Variants in RANBP2 observed in about 807,000 individuals in gnomAD.
The protein encoded by RANBP2 is E3 SUMO-protein ligase RanBP2.
A neutral mutation model predicts 303.6 loss-of-function variants in RANBP2; 57 were observed. The ratio of observed to expected loss-of-function variants is 0.19; its 90% CI spans 0.15 to 0.23. RANBP2 has a LOEUF of 0.23. Ranked by LOEUF, RANBP2 falls within the 10% of genes least tolerant of loss-of-function variation. The pLI is 1.00. For missense variants in RANBP2, 3,138 were observed against 3,780.8 expected (o/e 0.83, Z 4.46); for synonymous variants, 1,167 against 1,301.5 (o/e 0.90, Z 2.23).
At chr2:108,749,345 T>C (rs1008159738) in intron 9 of RANBP2, among the ~76,000 whole-genome samples, 3 of 152,196 alleles carry the variant, frequency 2.0e-5, no homozygotes, top group African/African-American at 7.2e-5. Context: ...TCGCCCATGC[T>C]GGAGTGCAGT....
intron 6 of RANBP2, among the ~76,000 whole-genome samples, chr2:108,739,031 G>A (rs529500159): frequency 6.6e-6 from 1 of 152,196 alleles, no homozygotes; most frequent in East Asian, 1.9e-4. Flanking sequence ...TTAATGTCTC[G>A]CTTAATAGAA....
chr2:109,484,173 TCTC>T, the RANBP2 span, among the ~76,000 whole-genome samples: 1 of 151,724 alleles, frequency 6.6e-6, no homozygotes, highest in Non-Finnish European at 1.5e-5. Flanking sequence ...TTCAAGCGAT[TCTC>T]CTGCCTCAGC....
chr2:108,883,396 A>C, the RANBP2 span: 2 of 152,210 alleles, frequency 1.3e-5, no homozygotes, highest in African/African-American at 4.8e-5. Flanking sequence ...CTTTTCAGAC[A>C]TTGCCTCTTT....
chr2:109,096,799 GC>G, the RANBP2 span, among the ~76,000 whole-genome samples: 1 of 139,652 alleles, frequency 7.2e-6, no homozygotes, highest in Non-Finnish European at 1.5e-5. Context: ...TTTTGGAAAC[GC>G]TTTTTTTTTT....
At chr2:109,582,075 GACACACACACACACAC>G in the RANBP2 span, among the ~76,000 whole-genome samples, 64 of 143,874 alleles carry the variant, frequency 4.4e-4, 1 homozygote, top group African/African-American at 6.0e-4. Flanking sequence ...ATGTACAACA[GACACACACACACACAC>G]ACACACACAC....
At chr2:109,524,461 A>AC in the RANBP2 span, among the ~76,000 whole-genome samples, 1 of 69,564 alleles carries the variant, frequency 1.4e-5, no homozygotes, top group Non-Finnish European at 3.8e-5. Flanking sequence ...AAAAAAAAAA[A>AC]AAAAACAAAA....
the RANBP2 span, among the ~76,000 whole-genome samples, chr2:109,053,936 C>A: frequency 6.6e-6 from 1 of 152,140 alleles, no homozygotes; most frequent in African/African-American, 2.4e-5. Flanking sequence ...GCACCAGGGG[C>A]ATTGTCTTTC....
chr2:109,585,235 T>G, the RANBP2 span: 1 of 1,613,064 alleles, frequency 6.2e-7, no homozygotes, highest in Non-Finnish European at 8.5e-7. Flanking sequence ...AGTTTAACAT[T>G]TGGGCAAAAA....
chr2:109,199,628 G>GAACCC, the RANBP2 span, among the ~76,000 whole-genome samples: 1 of 98 alleles, frequency 0.01, no homozygotes, highest in African/African-American at 0.029. Context: ...GGAATGGAAT[G>GAACCC]GAATGGAATG....
At chr2:109,035,177 C>T in the RANBP2 span, among the ~76,000 whole-genome samples, 2 of 152,232 alleles carry the variant, frequency 1.3e-5, no homozygotes, top group South Asian at 2.1e-4. Context: ...GTAGTTTGTA[C>T]CAAGTCAGGG....
the RANBP2 span, among the ~76,000 whole-genome samples, chr2:108,908,936 G>A: frequency 6.6e-6 from 1 of 152,126 alleles, no homozygotes; most frequent in African/African-American, 2.4e-5. Context: ...AGGCTTCAGG[G>A]CCTCACAAGG....
chr2:109,077,638 G>A, the RANBP2 span, among the ~76,000 whole-genome samples: 4 of 150,456 alleles, frequency 2.7e-5, no homozygotes, highest in East Asian at 7.7e-4. Flanking sequence ...GATTAAAAAT[G>A]GGCAAAGGAC....
chr2:108,759,498 T>G (rs1269549978), intron 18 of RANBP2, among the ~76,000 whole-genome samples: 1 of 152,136 alleles, frequency 6.6e-6, no homozygotes, highest in Non-Finnish European at 1.5e-5. Flanking sequence ...CCCTTTTTTT[T>G]TCTCTTTTTA....
chr2:109,183,235 A>G, the RANBP2 span, among the ~76,000 whole-genome samples: 1 of 152,224 alleles, frequency 6.6e-6, no homozygotes, highest in Non-Finnish European at 1.5e-5. Flanking sequence ...GATTCTCAAA[A>G]AGCACATCCT....
chr2:108,893,223 C>T, the RANBP2 span, among the ~76,000 whole-genome samples: 1 of 129,554 alleles, frequency 7.7e-6, no homozygotes, highest in East Asian at 2.4e-4. Context: ...CTTCCTGTTA[C>T]TTGTCAAATC....
chr2:109,187,542 G>C, the RANBP2 span, among the ~76,000 whole-genome samples: 1 of 152,096 alleles, frequency 6.6e-6, no homozygotes, highest in Non-Finnish European at 1.5e-5. Context: ...TTACCATTGT[G>C]TTCCAGCTCC....
the RANBP2 span, among the ~76,000 whole-genome samples, chr2:109,710,771 G>T: frequency 1.3e-5 from 2 of 152,160 alleles, no homozygotes; most frequent in Non-Finnish European, 2.9e-5. Flanking sequence ...TGAGGGAGGG[G>T]TGAGAGGAGA....
chr2:109,075,151 A>C, the RANBP2 span, among the ~76,000 whole-genome samples: 4 of 150,348 alleles, frequency 2.7e-5, no homozygotes, highest in African/African-American at 9.7e-5. Flanking sequence ...AAGAAAAGAA[A>C]TTACAAAGAT....
chr2:108,738,761 T>A (rs981612150), intron 6 of RANBP2, among the ~76,000 whole-genome samples: 42 of 151,200 alleles, frequency 2.8e-4, no homozygotes, highest in Non-Finnish European at 5.6e-4. Flanking sequence ...CCCAAGTACC[T>A]GGAATTACAG....
Sources: gnomAD v4.1 joint callset for allele counts (sites outside exome capture counted in the v4.1 genomes callset) on GRCh38, gnomAD v4.1.1 for gene constraint, MANE v1.5 for transcripts, NCBI Gene and HGNC (gene_info 2026-07-23, HGNC 2026-07-21) for gene names.